ANK3: variants seen among roughly 807,000 people sequenced by gnomAD.
ANK3 encodes ankyrin 3.
A neutral mutation model predicts 370.9 loss-of-function variants in ANK3; 57 were observed. The ratio of observed to expected loss-of-function variants is 0.15; its 90% confidence interval spans 0.12 to 0.19. The LOEUF is 0.19. ANK3 is among the 10% of genes least tolerant of loss of function. The pLI is 1.00. For synonymous variants in ANK3, 1,929 were observed against 1,946.3 expected (o/e 0.99, Z 0.23); for missense variants, 4,439 against 5,302.1 (o/e 0.84, Z 5.06).
intron 1 of ANK3, among the ~76,000 whole-genome samples, chr10:60,710,490 A>T (rs2079689180): frequency 6.6e-6 from 1 of 152,202 alleles, no homozygotes; most frequent in African/African-American, 2.4e-5. Context: ...ACAGACCAGC[A>T]TCCACATATA....
intron 1 of ANK3, among the ~76,000 whole-genome samples, chr10:60,620,992 T>C (rs1320703314): frequency 6.6e-6 from 1 of 152,180 alleles, no homozygotes; most frequent in Non-Finnish European, 1.5e-5. Flanking sequence ...TTGCCCGAAG[T>C]TACGCAGCTT....
intron 1 of ANK3, among the ~76,000 whole-genome samples, chr10:60,732,081 C>T (rs966582450): frequency 3.9e-5 from 6 of 152,166 alleles, no homozygotes; most frequent in South Asian, 2.1e-4. Flanking sequence ...TAACTTAAAA[C>T]TAGGTGAACT....
chr10:60,278,915 G>A (rs918235754), intron 3 of ANK3, 43 bp from the exon 4 acceptor site: 2 of 1,597,468 alleles, frequency 1.3e-6, no homozygotes, highest in East Asian at 2.2e-5. Context: ...TCGATCTTTT[G>A]AATTTTCCTG....
intron 2 of ANK3, among the ~76,000 whole-genome samples, chr10:60,436,098 T>A (rs4948419): frequency 0.72 from 107,136 of 149,254 alleles, 38,673 homozygotes; most frequent in South Asian, 0.9. Context: ...CAAAAAAAAA[T>A]AAATAAATAA....
intron 2 of ANK3, among the ~76,000 whole-genome samples, chr10:60,452,803 G>A (rs1408933683): frequency 2.6e-5 from 4 of 152,144 alleles, no homozygotes; most frequent in African/African-American, 7.2e-5. Context: ...TATTAGTTGT[G>A]CTGGGAAGGC....
chr10:60,384,564 T>C (rs2061994807), intron 1 of ANK3, among the ~76,000 whole-genome samples: 1 of 152,218 alleles, frequency 6.6e-6, no homozygotes, highest in Admixed American at 6.5e-5. Flanking sequence ...GAATCTTAGC[T>C]CTACCACTGT....
upstream of ANK3, among the ~76,000 whole-genome samples, chr10:60,390,522 TC>T (rs1209656097): frequency 6.6e-6 from 1 of 152,136 alleles, no homozygotes; most frequent in Non-Finnish European, 1.5e-5. Flanking sequence ...GACTGCAGCC[TC>T]TGAATATTCA....
At chr10:60,296,307 C>G (rs1414005900) in intron 1 of ANK3, among the ~76,000 whole-genome samples, 1 of 152,096 alleles carries the variant, frequency 6.6e-6, no homozygotes, top group East Asian at 1.9e-4. Context: ...GACAAATAAG[C>G]AACAAATTCC....
Position 60,389,639 on chromosome 10 carries a change from A to G in ANK3, c.-101T>C. 6.5e-7 allele frequency: 1 copy of G among 1,530,632 alleles called. No individual in the cohort carries two copies. The highest frequency in any genetic ancestry group is 2.3e-5 in the East Asian group (1 of 43,890). 94.8% of individuals were successfully genotyped at this position (1,530,632 alleles called of 1,614,324 possible). On this transcript the variant is annotated 5_prime_UTR_variant, in exon 1 of 44. Transcript: ENST00000280772. ...GGCTTACAGCAGCATTCCAATCACT[A>G]GAGAGAAAGCTTTGACTAGAAGCAG...
intron 2 of ANK3, among the ~76,000 whole-genome samples, chr10:60,609,025 G>C (rs1446909651): frequency 6.6e-6 from 1 of 152,062 alleles, no homozygotes. Context: ...CTGCTACCTG[G>C]AAAATGGGGT....
chr10:60,254,882 A>C (rs1351380445), intron 7 of ANK3, among the ~76,000 whole-genome samples: 1 of 152,174 alleles, frequency 6.6e-6, no homozygotes, highest in Non-Finnish European at 1.5e-5. Flanking sequence ...AAGGCCAAGA[A>C]GTGATTTATT....
At chr10:60,086,582 G>A (rs1383414405) in intron 30 of ANK3, 95 bp downstream of exon 30, 1 of 1,044,952 alleles carries the variant, frequency 9.6e-7, no homozygotes, top group Non-Finnish European at 1.4e-6. Context: ...ATGTTGGCAT[G>A]GATATTTCAA....
At chr10:60,496,079 A>G (rs908972435) in intron 2 of ANK3, among the ~76,000 whole-genome samples, 7 of 151,916 alleles carry the variant, frequency 4.6e-5, no homozygotes, top group Non-Finnish European at 7.4e-5. Context: ...TATATGATGG[A>G]GCTCAATATG....
At chr10:60,219,562 T>A (rs1415320571) in intron 8 of ANK3, among the ~76,000 whole-genome samples, 1 of 152,150 alleles carries the variant, frequency 6.6e-6, no homozygotes, top group African/African-American at 2.4e-5. Flanking sequence ...AAAGGATCAG[T>A]GGGAAGGGAG....
intron 8 of ANK3, among the ~76,000 whole-genome samples, chr10:60,214,409 A>C (rs1011649734): frequency 2.0e-5 from 3 of 152,122 alleles, no homozygotes; most frequent in African/African-American, 7.2e-5. Context: ...TAAAAGAAAA[A>C]AATGGGATAC....
Position 60,088,327 on chromosome 10 carries a change from C to T in ANK3, c.3360G>A (p.Lys1120=), listed in dbSNP as rs1458029373. ...ELDSPEELGK[K]RICRIITKDF... ...CTTTCGTGATAATCCTGCAGATACG[C>T]TTTTTCCCTAACTCTTCTGGGCTAT... The change falls in exon 29 of 44, where the codon AAG becomes AAA. Residue 1120 remains lysine (K), a synonymous_variant. Transcript: ENST00000280772. The T allele has an allele frequency of 2.5e-6, 4 of 1,614,176 alleles. No homozygotes were observed. In the African/African-American group the frequency reaches 5.3e-5, roughly 22 times the overall value.
chr10:60,579,307 G>C (rs984834596), intron 2 of ANK3, among the ~76,000 whole-genome samples: 3 of 119,446 alleles, frequency 2.5e-5, no homozygotes, highest in African/African-American at 3.2e-5. Flanking sequence ...CCTGGCACCA[G>C]AGCGAGACTC....
At chr10:60,051,539 T>A (rs2077999511) in intron 42 of ANK3, 3 of 985,786 alleles carry the variant, frequency 3.0e-6, no homozygotes, top group Non-Finnish European at 3.6e-6. Context: ...TGAGCTTGAA[T>A]CACTCTCACT....
chr10:60,565,247 C>T (rs1281223083), intron 2 of ANK3, among the ~76,000 whole-genome samples: 1 of 152,152 alleles, frequency 6.6e-6, no homozygotes, highest in East Asian at 1.9e-4. Context: ...ACTGTTTTGC[C>T]TCAGATCATC....
Sources: gnomAD v4.1 joint callset for allele counts (sites outside exome capture counted in the v4.1 genomes callset) on GRCh38, gnomAD v4.1.1 for gene constraint, MANE v1.5 for transcripts, NCBI Gene and HGNC (gene_info 2026-07-23, HGNC 2026-07-21) for gene names.